LTBP1: variants seen among roughly 807,000 people sequenced by gnomAD.
LTBP1 encodes the protein latent transforming growth factor beta binding protein 1.
A neutral mutation model predicts 207.6 loss-of-function variants in LTBP1; 129 were observed. The observed-to-expected ratio is 0.62, with a 90% confidence interval of 0.54 to 0.72. The LOEUF (loss-of-function observed/expected upper bound fraction) is 0.72, where lower values mean the gene tolerates loss of function less well. Ranked by LOEUF, LTBP1 falls within the 30% of genes least tolerant of loss-of-function variation. The probability of loss-of-function intolerance (pLI) is 0.00; values close to 1 mark genes in which losing one functional copy is unlikely to be tolerated. For missense variants in LTBP1, 2,281 were observed against 2,217.2 expected (o/e 1.03, Z -0.58); for synonymous variants, 963 against 833.7 (o/e 1.16, Z -2.67).
chr2:33,216,204 G>C (rs1017334676), intron 7 of LTBP1, among the ~76,000 whole-genome samples: 1 of 152,196 alleles, frequency 6.6e-6, no homozygotes, highest in Admixed American at 6.5e-5. Flanking sequence ...GCAGTAGACT[G>C]TATAGACAGT....
chr2:33,091,897 C>T (rs2079116044), intron 3 of LTBP1, among the ~76,000 whole-genome samples: 2 of 152,124 alleles, frequency 1.3e-5, no homozygotes, highest in South Asian at 4.2e-4. Flanking sequence ...TTCTGATGTT[C>T]CCTGATTGGG....
chr2:33,035,464 G>A (rs760952995), intron 3 of LTBP1, among the ~76,000 whole-genome samples: 3 of 152,136 alleles, frequency 2.0e-5, no homozygotes, highest in Admixed American at 6.5e-5. Flanking sequence ...TTTTAAATCC[G>A]GAAAAGAGAG....
chr2:33,167,369 A>T (rs984789286), intron 5 of LTBP1, among the ~76,000 whole-genome samples: 2 of 152,134 alleles, frequency 1.3e-5, no homozygotes, highest in African/African-American at 4.8e-5. Context: ...TTCAAAAAAA[A>T]AAAAAAACCA....
intron 5 of LTBP1, among the ~76,000 whole-genome samples, chr2:33,171,572 G>A (rs2085459754): frequency 6.6e-6 from 1 of 150,912 alleles, no homozygotes; most frequent in Non-Finnish European, 1.5e-5. Context: ...AACCAAGTTG[G>A]AAAACACTCT....
intron 2 of LTBP1, among the ~76,000 whole-genome samples, chr2:32,977,925 A>G (rs1035648469): frequency 6.6e-6 from 1 of 151,998 alleles, no homozygotes; most frequent in Non-Finnish European, 1.5e-5. Context: ...CATTGTAGAG[A>G]TCTTTCACTG....
chr2:33,260,157 A>G (rs538034259), intron 13 of LTBP1, among the ~76,000 whole-genome samples: 47 of 152,300 alleles, frequency 3.1e-4, no homozygotes, highest in Admixed American at 1.5e-3. Context: ...GATGGGGGCT[A>G]TGAATTGTGA....
At chr2:33,234,323 G>T (rs886251784) in intron 9 of LTBP1, among the ~76,000 whole-genome samples, 1 of 152,020 alleles carries the variant, frequency 6.6e-6, no homozygotes. Context: ...GAAGGTTTTT[G>T]GGAATATATA....
At chr2:33,146,675 A>G (rs1243103889) in intron 5 of LTBP1, among the ~76,000 whole-genome samples, 2 of 152,204 alleles carry the variant, frequency 1.3e-5, no homozygotes, top group African/African-American at 2.4e-5. Context: ...CAGGAAGCTT[A>G]CAATCATGGT....
intron 32 of LTBP1, among the ~76,000 whole-genome samples, chr2:33,393,485 C>T (rs2095334004): frequency 6.9e-6 from 1 of 145,426 alleles, no homozygotes; most frequent in East Asian, 2.1e-4. Context: ...TGTTCCCCAT[C>T]CTGTGTCCAA....
intron 5 of LTBP1, among the ~76,000 whole-genome samples, chr2:33,153,990 C>G (rs1372085749): frequency 7.2e-5 from 11 of 152,166 alleles, no homozygotes; most frequent in Admixed American, 7.2e-4. Context: ...GTTCCTCTAC[C>G]TCAGGCCACA....
At chr2:33,276,108 A>G (rs1051057844) in intron 18 of LTBP1, among the ~76,000 whole-genome samples, 185 bp downstream of exon 18, 1 of 151,806 alleles carries the variant, frequency 6.6e-6, no homozygotes, top group African/African-American at 2.4e-5. Flanking sequence ...ATTATTTTCC[A>G]TCTTCATGCT....
At chr2:33,010,209 G>T (rs1198061834) in intron 2 of LTBP1, among the ~76,000 whole-genome samples, 2 of 152,204 alleles carry the variant, frequency 1.3e-5, no homozygotes, top group African/African-American at 4.8e-5. Flanking sequence ...GCAGCCTGGA[G>T]GCCACTGATG....
Position 33,371,317 on chromosome 2 carries a change from C to T in LTBP1, c.4711+5814C>T, listed in dbSNP as rs1469822090. 2.6e-5 allele frequency among the ~76,000 whole-genome samples: 4 copies of T among 152,168 alleles called. No individual in the cohort carries two copies. In the South Asian group the frequency reaches 8.3e-4, roughly 32 times the overall value. On this transcript the variant is annotated intron_variant, in intron 31 of 33. Coordinates refer to ENST00000404816, the MANE Select transcript of LTBP1 (RefSeq NM_206943.4). ...CTTGCCCCATTGCAGCCCCTGACTC[C>T]TCTTCTCCTTCCCCTTTCACAGTAC...
At chr2:33,226,246 T>A (rs1165934998) in intron 9 of LTBP1, among the ~76,000 whole-genome samples, 1 of 152,226 alleles carries the variant, frequency 6.6e-6, no homozygotes, top group Non-Finnish European at 1.5e-5. Context: ...ACCTTTACAA[T>A]GGGTGTCTTA....
At chr2:33,332,365 C>A (rs1259357816) in intron 24 of LTBP1, among the ~76,000 whole-genome samples, 1 of 95,480 alleles carries the variant, frequency 1.0e-5, no homozygotes, top group East Asian at 2.7e-4. Context: ...TAGTGAGACA[C>A]CATCTCCAAA....
chr2:33,135,014 T>G, intron 5 of LTBP1, 54 bp downstream of exon 5: 1 of 1,505,796 alleles, frequency 6.6e-7, no homozygotes, highest in Non-Finnish European at 8.9e-7. Context: ...TTTATGAGAT[T>G]GTAGCATTTA....
At chr2:33,093,325 C>T (rs1202453096) in intron 3 of LTBP1, among the ~76,000 whole-genome samples, 1 of 152,076 alleles carries the variant, frequency 6.6e-6, no homozygotes, top group African/African-American at 2.4e-5. Flanking sequence ...ATATTGTTTT[C>T]CCCTGCTCTC....
intron 31 of LTBP1, among the ~76,000 whole-genome samples, chr2:33,378,678 G>C (rs1200638133): frequency 6.6e-6 from 1 of 152,156 alleles, no homozygotes; most frequent in Non-Finnish European, 1.5e-5. Flanking sequence ...ACTGTTCTAA[G>C]TTTGAGGTTT....
At chr2:32,977,771 C>A (rs1682049011) in intron 2 of LTBP1, among the ~76,000 whole-genome samples, 1 of 152,188 alleles carries the variant, frequency 6.6e-6, no homozygotes, top group Non-Finnish European at 1.5e-5. Context: ...AGATAGGCTC[C>A]TGCGCAGCTT....
Sources: allele counts gnomAD v4.1 joint callset (sites outside exome capture counted in the v4.1 genomes callset), GRCh38; gene constraint gnomAD v4.1.1; transcripts MANE v1.5; gene names NCBI Gene and HGNC (gene_info 2026-07-23, HGNC 2026-07-21).